FBXO17: variants seen among roughly 807,000 people sequenced by gnomAD.
FBXO17 encodes the protein F-box protein 17.
FBXO17 carries 43 observed loss-of-function variants against 34.1 expected under a neutral mutation model. The ratio of observed to expected loss-of-function variants is 1.26; its 90% CI spans 0.99 to 1.62. FBXO17 has a LOEUF of 1.62. Ranked by LOEUF, FBXO17 falls within the 40% of genes most tolerant of loss-of-function variation. The pLI is 0.00. For synonymous variants in FBXO17, 169 were observed against 166.0 expected, an observed-to-expected ratio of 1.02 and a Z score of -0.14; for missense variants, 424 against 386.7, an observed-to-expected ratio of 1.10 and a Z score of -0.81.
rs375464793 is a variant in FBXO17 at position 38,950,045 on chromosome 19, G to C, written c.275C>G (p.Pro92Arg). Residue 92 changes from proline (P) to arginine (R), a missense_variant, in exon 2 of 6, where the codon CCG becomes CGG. Physicochemically the swap from Pro to Arg is moderately radical, Grantham distance 103 (BLOSUM62 -2). Transcript: ENST00000292852. ...LPSNEDKEEF[P>R]LCALARYCLR... ...ACAGTAGCGCGCCAGGGCGCACAGC[G>C]GGAACTCCTCCTTGTCTTCGTTGCT... 1 of 1,567,792 alleles carries C rather than the reference G, an allele frequency of 6.4e-7. No individual in the cohort carries two copies. Among genetic ancestry groups the C allele is most frequent in the Non-Finnish European group, 8.6e-7 (1 of 1,157,794 alleles).
intron 1 of FBXO17, among the ~76,000 whole-genome samples, chr19:38,954,196 G>C (rs1218507819): frequency 1.3e-5 from 2 of 152,136 alleles, no homozygotes; most frequent in East Asian, 3.9e-4. Flanking sequence ...AGAGAGGAAG[G>C]CTGGATTTAA....
chr19:38,959,649 G>A (rs915703900), intron 1 of FBXO17, among the ~76,000 whole-genome samples: 1 of 152,030 alleles, frequency 6.6e-6, no homozygotes, highest in African/African-American at 2.4e-5. Context: ...CCAGCACTTT[G>A]GGAGGCTGAG....
intron 1 of FBXO17, among the ~76,000 whole-genome samples, chr19:38,953,727 G>A (rs1490686561): frequency 1.3e-5 from 2 of 152,130 alleles, no homozygotes; most frequent in Non-Finnish European, 2.9e-5. Context: ...ACAGGATGCT[G>A]TGTGGGCTAA....
At position 38,942,260 on chromosome 19, in the gene FBXO17, C is replaced by CTT. The variant is rs35798218; in HGVS notation, c.*346_*347dup. 6,683 of 131,832 alleles carry CTT rather than the reference C, an allele frequency of 0.051. 639 individuals carry two copies. Among genetic ancestry groups the CTT allele is most frequent in the African/African-American group, 0.18 (6,133 of 34,112 alleles). The allele number at this position is 131,832 out of a possible 1,614,324, so 8.2% of individuals were successfully genotyped here. A position where few individuals can be genotyped will look rare whatever the true frequency, so the allele number is the denominator to read the frequency against. ...TCTGGCTTCTGGCTGCAAAGCTGGTCTTTTTTTTTTTTTTTTTCATTGATA... is the reference window on the plus strand; with the variant it reads ...TCTGGCTTCTGGCTGCAAAGCTGGTCTTTTTTTTTTTTTTTTTTTCATTGATA... On this transcript the variant is annotated 3_prime_UTR_variant, in exon 6 of 6. Coordinates refer to ENST00000292852, the MANE Select transcript of FBXO17 (RefSeq NM_024907.7).
At position 38,952,789 on chromosome 19, in the gene FBXO17, C is replaced by T. The variant is rs541248592; in HGVS notation, c.-17-2453G>A. ...CTCCCTCTCGTGGTCAAACCCAGAC[C>T]TTGTTTGAATAACAGCAGCCTCTTC... On this transcript the variant is annotated intron_variant, in intron 1 of 5. Transcript: ENST00000292852. 1.6e-4 allele frequency: 75 copies of T among 458,098 alleles called. 2 individuals are homozygous for T. The highest frequency in any genetic ancestry group is 1.1e-3 in the South Asian group (74 of 64,634). The allele number at this position is 458,098 out of a possible 1,614,324, so 28.4% of individuals were successfully genotyped here. A position where few individuals can be genotyped will look rare whatever the true frequency, so the allele number is the denominator to read the frequency against.
chr19:38,942,735 GT>G lies in FBXO17; in HGVS notation c.709del (p.Thr237ProfsTer19). 1 of 1,606,670 alleles carries G rather than the reference GT, an allele frequency of 6.2e-7. No individual in the cohort carries two copies. The highest frequency in any genetic ancestry group is 2.3e-5 in the East Asian group (1 of 44,134). On this transcript the variant is annotated frameshift_variant, in exon 6 of 6. Transcript: ENST00000292852. LOFTEE classifies it high-confidence loss of function. Reference sequence around the variant, plus strand: ...GTAGCGGATGCCCTTGCCAAAGTTGGTGAAGACGTGGGAGACCTGCAGGGGG... The same window carrying G: ...GTAGCGGATGCCCTTGCCAAAGTTGGGAAGACGTGGGAGACCTGCAGGGGG... The part of the protein sequence containing the change: ...RGCRQVSHVF[T>X]NFGKGIRYVS...
intron 1 of FBXO17, among the ~76,000 whole-genome samples, chr19:38,957,054 G>A (rs896322339): frequency 3.9e-5 from 6 of 151,948 alleles, no homozygotes; most frequent in Non-Finnish European, 8.8e-5. Flanking sequence ...TGAAGCTGTG[G>A]AGACAGACTT....
chr19:38,947,511 A>C (rs1326790416), intron 3 of FBXO17: 7 of 152,102 alleles, frequency 4.6e-5, no homozygotes, highest in Non-Finnish European at 1.0e-4. Context: ...ATTGGAACCC[A>C]GGGAGGCAGA....
chr19:38,969,430 T>A (rs1600205966), intron 1 of FBXO17, among the ~76,000 whole-genome samples: 2 of 134,874 alleles, frequency 1.5e-5, no homozygotes, highest in African/African-American at 2.8e-5. Flanking sequence ...TGACAGAGAC[T>A]CCATCTCCAA....
intron 1 of FBXO17, among the ~76,000 whole-genome samples, chr19:38,954,326 G>A (rs1229639571): frequency 1.3e-5 from 2 of 152,156 alleles, no homozygotes; most frequent in Non-Finnish European, 2.9e-5. Context: ...CTGGAGTGCA[G>A]TGGCGCGATT....
At chr19:38,961,798 G>A (rs1224458300) in intron 1 of FBXO17, among the ~76,000 whole-genome samples, 6 of 151,854 alleles carry the variant, frequency 4.0e-5, no homozygotes, top group Non-Finnish European at 7.4e-5. Context: ...GAGTAGCTGG[G>A]ATTACAGGTG....
At chr19:38,959,268 TTTCTTTCTTTCTTTC>T (rs1279482786) in intron 1 of FBXO17, among the ~76,000 whole-genome samples, 3 of 68,216 alleles carry the variant, frequency 4.4e-5, no homozygotes, top group African/African-American at 9.2e-5. Flanking sequence ...CCTGTCTTTC[TTTCTTTCTTTCTTTC>T]TTTTTTTTTT....
At chr19:38,971,345 A>G (rs1045225186) in intron 1 of FBXO17, among the ~76,000 whole-genome samples, 2 of 152,162 alleles carry the variant, frequency 1.3e-5, no homozygotes, top group African/African-American at 2.4e-5. Context: ...GCCATCAGAG[A>G]CTAGAAGAAT....
intron 3 of FBXO17, among the ~76,000 whole-genome samples, chr19:38,947,926 A>C (rs1975009918): frequency 6.8e-6 from 1 of 147,034 alleles, no homozygotes; most frequent in Non-Finnish European, 1.5e-5. Context: ...TGTTGCCAGA[A>C]TTATATGTAA....
chr19:38,970,044 G>GTC (rs1173154605), intron 1 of FBXO17, among the ~76,000 whole-genome samples: 1 of 151,984 alleles, frequency 6.6e-6, no homozygotes, highest in Non-Finnish European at 1.5e-5. Context: ...CCAGATGCCT[G>GTC]TCCACTGTAG....
At chr19:38,950,432 G>GA in intron 1 of FBXO17, 96 bp from the exon 2 acceptor site, 1 of 1,367,770 alleles carries the variant, frequency 7.3e-7, no homozygotes, top group East Asian at 3.0e-5. Flanking sequence ...CTGCTCGAGA[G>GA]ACCCCATTAG....
At chr19:38,957,882 G>A (rs1290604992) in intron 1 of FBXO17, among the ~76,000 whole-genome samples, 1 of 151,968 alleles carries the variant, frequency 6.6e-6, no homozygotes, top group Non-Finnish European at 1.5e-5. Flanking sequence ...CGGGAGGATT[G>A]CTTGAGCCCA....
At chr19:38,961,048 T>TC (rs1434593042) in intron 1 of FBXO17, among the ~76,000 whole-genome samples, 2 of 152,048 alleles carry the variant, frequency 1.3e-5, no homozygotes, top group Non-Finnish European at 2.9e-5. Context: ...CCTCAAGTGA[T>TC]CCTCCCGCCT....
intron 1 of FBXO17, among the ~76,000 whole-genome samples, chr19:38,951,253 C>T (rs1235703145): frequency 6.6e-6 from 1 of 152,044 alleles, no homozygotes; most frequent in East Asian, 1.9e-4. Context: ...ATAGCCTCTA[C>T]CTCCTGGGCT....
Sources: gnomAD v4.1 joint callset for allele counts (sites outside exome capture counted in the v4.1 genomes callset) on GRCh38, gnomAD v4.1.1 for gene constraint, MANE v1.5 for transcripts, NCBI Gene and HGNC (gene_info 2026-07-23, HGNC 2026-07-21) for gene names.